The following BACH2 variants were observed in gnomAD, a reference collection of about 807,000 sequenced individuals.
BACH2 encodes BACH transcriptional regulator 2, also known as transcription regulator protein BACH2.
Under a neutral mutation model 61.8 loss-of-function variants are expected in BACH2, and 5 were observed. That is an observed-to-expected ratio of 0.08 (90% CI 0.04 to 0.17). The LOEUF is 0.17. Ranked by LOEUF, BACH2 falls within the 10% of genes least tolerant of loss-of-function variation. The probability of loss-of-function intolerance (pLI) is 1.00; values close to 1 mark genes in which losing one functional copy is unlikely to be tolerated. For missense variants in BACH2, 824 were observed against 1,091.1 expected (o/e 0.76, Z 3.45); for synonymous variants, 446 against 440.1 (o/e 1.01, Z -0.17).
At chr6:90,121,639 C>T (rs1457092793) in intron 4 of BACH2, among the ~76,000 whole-genome samples, 2 of 152,090 alleles carry the variant, frequency 1.3e-5, no homozygotes, top group African/African-American at 2.4e-5. Flanking sequence ...ACCTTCCGGG[C>T]TCAAGCAATT....
At chr6:90,142,210 C>T (rs78563031) in intron 4 of BACH2, among the ~76,000 whole-genome samples, 6,410 of 152,280 alleles carry the variant, frequency 0.042, 143 homozygotes, top group Middle Eastern at 0.082. Flanking sequence ...GTATGTGATG[C>T]TGTCACTGGA....
chr6:90,293,357 G>A (rs950028514), intron 1 of BACH2, among the ~76,000 whole-genome samples: 2 of 151,854 alleles, frequency 1.3e-5, no homozygotes, highest in African/African-American at 4.8e-5. Context: ...AGCCACTAGG[G>A]TCTCTTTCCT....
rs550986143 is a variant in BACH2 at position 90,037,414 on chromosome 6, G to T, written c.-12-28558C>A. Reference sequence around the variant, plus strand: ...TACACAACTATAAAATCATGAAGGAGGCTAGTAAAGGAGCCAAAAGGCTCT... The same window carrying T: ...TACACAACTATAAAATCATGAAGGATGCTAGTAAAGGAGCCAAAAGGCTCT... On this transcript the variant is annotated intron_variant, in intron 5 of 8. Transcript: ENST00000257749. Among the ~76,000 whole-genome samples the T allele has an allele frequency of 2.6e-5, 4 of 152,342 alleles. No homozygotes were observed. In the South Asian group the frequency reaches 8.3e-4, roughly 32 times the overall value.
rs563594898 is a variant in BACH2 at position 90,148,734 on chromosome 6, A to G, written c.-162+57835T>C. On this transcript the variant is annotated intron_variant, in intron 4 of 8. Transcript: ENST00000257749. ...CACGCACACCTACAGTCAGGACTGTAAGACACATTCAGGAATGGTAAAATT... is the reference window on the plus strand; with the variant it reads ...CACGCACACCTACAGTCAGGACTGTGAGACACATTCAGGAATGGTAAAATT... 2.0e-4 allele frequency among the ~76,000 whole-genome samples: 31 copies of G among 152,360 alleles called. No homozygotes were observed. The South Asian group carries it at 6.4e-3, about 32-fold the overall frequency.
At chr6:90,289,973 A>G (rs1411082627) in intron 1 of BACH2, among the ~76,000 whole-genome samples, 1 of 152,232 alleles carries the variant, frequency 6.6e-6, no homozygotes, top group Non-Finnish European at 1.5e-5. Context: ...TTTTCCAAGT[A>G]TGGAAATGAA....
chr6:90,295,535 G>A (rs2127896289), intron 1 of BACH2, among the ~76,000 whole-genome samples: 1 of 152,258 alleles, frequency 6.6e-6, no homozygotes, highest in Middle Eastern at 3.4e-3. Flanking sequence ...AACACCCGCC[G>A]GGTGAGCGAA....
In BACH2 at chr6:90,060,366, G is replaced by T. The variant is rs146803858; in HGVS notation, c.-13+28595C>A. Among the ~76,000 whole-genome samples the T allele has an allele frequency of 5.7e-3, 872 of 151,996 alleles. 3 individuals carry two copies. The highest frequency in any genetic ancestry group is 8.4e-3 in the Non-Finnish European group (572 of 67,968). On this transcript the variant is annotated intron_variant, in intron 5 of 8. Transcript: ENST00000257749. ...TCCATCTCTTTGTCTGTGCTCCATT[G>T]CATGAAACTATTTTAGTTTTATTTT... is the stretch of plus-strand genomic sequence containing the variant.
intron 3 of BACH2, among the ~76,000 whole-genome samples, chr6:90,251,143 G>C (rs1325535851): frequency 6.8e-6 from 1 of 147,926 alleles, no homozygotes; most frequent in East Asian, 1.9e-4. Flanking sequence ...ATAGTACAAG[G>C]AATAATAATC....
intron 6 of BACH2, among the ~76,000 whole-genome samples, chr6:89,987,884 T>C (rs917031157): frequency 2.0e-5 from 3 of 152,194 alleles, no homozygotes; most frequent in African/African-American, 7.2e-5. Context: ...TAGTATTCCC[T>C]CAGCATAAAG....
At chr6:90,056,058 A>C (rs1780330488) in intron 5 of BACH2, among the ~76,000 whole-genome samples, 1 of 152,242 alleles carries the variant, frequency 6.6e-6, no homozygotes, top group Admixed American at 6.5e-5. Flanking sequence ...AAGAAACTGC[A>C]TCAACTAACC....
At chr6:90,051,905 A>G (rs1470590867) in intron 5 of BACH2, among the ~76,000 whole-genome samples, 2 of 152,184 alleles carry the variant, frequency 1.3e-5, no homozygotes, top group Non-Finnish European at 2.9e-5. Context: ...TTATCATTCA[A>G]TTCTAAGTAT....
chr6:90,119,467 T>C (rs779996863), intron 4 of BACH2, among the ~76,000 whole-genome samples: 1 of 152,226 alleles, frequency 6.6e-6, no homozygotes, highest in African/African-American at 2.4e-5. Flanking sequence ...GAAATGCTTA[T>C]CTTCAATCTT....
intron 4 of BACH2, among the ~76,000 whole-genome samples, chr6:90,194,139 T>C (rs1302984686): frequency 6.6e-6 from 1 of 152,176 alleles, no homozygotes; most frequent in African/African-American, 2.4e-5. Flanking sequence ...ACTTGGGTAC[T>C]AAAGATGAGA....
chr6:90,088,464 T>C (rs1405035739), intron 5 of BACH2, among the ~76,000 whole-genome samples: 1 of 152,194 alleles, frequency 6.6e-6, no homozygotes, highest in East Asian at 1.9e-4. Context: ...GTGAAGGTGC[T>C]AAGTGAACCT....
intron 8 of BACH2, 39 bp downstream of exon 8, chr6:89,938,105 C>T: frequency 6.4e-7 from 1 of 1,574,588 alleles, no homozygotes; most frequent in Non-Finnish European, 8.7e-7. Context: ...TAGTCCTGGT[C>T]ACTTCAGGTT....
intron 5 of BACH2, among the ~76,000 whole-genome samples, chr6:90,017,466 C>T (rs1045730195): frequency 1.1e-4 from 16 of 152,152 alleles, no homozygotes; most frequent in African/African-American, 2.4e-4. Context: ...AAATAATCTG[C>T]GCACCTCGGC....
At chr6:90,138,355 T>C (rs1416136176) in intron 4 of BACH2, among the ~76,000 whole-genome samples, 1 of 152,046 alleles carries the variant, frequency 6.6e-6, no homozygotes, top group African/African-American at 2.4e-5. Flanking sequence ...ATACAAAAAT[T>C]AGCCATGCGT....
intron 5 of BACH2, among the ~76,000 whole-genome samples, chr6:90,044,439 T>C (rs1412746253): frequency 6.6e-6 from 1 of 152,168 alleles, no homozygotes; most frequent in East Asian, 1.9e-4. Flanking sequence ...GCAGAGGTAG[T>C]CAGGAAGTGA....
At position 90,296,767 on chromosome 6, in the gene BACH2, G is replaced by T; in HGVS notation, c.-733C>A. On this transcript the variant is annotated 5_prime_UTR_variant, in exon 1 of 9. It adds an upstream start codon to the 5' untranslated region. Transcript: ENST00000257749. ...CTCACGTTAGCGCTGTGCGACCGCA[G>T]CCCGGGCGTGCACGGCCGCTGCTGC... is the stretch of plus-strand genomic sequence containing the variant. 1 of 169,132 alleles carries T rather than the reference G, an allele frequency of 5.9e-6. No homozygotes were observed. Among genetic ancestry groups the T allele is most frequent in the African/African-American group, 2.4e-5 (1 of 41,666 alleles). The allele number at this position is 169,132 out of a possible 1,614,324, so 10.5% of individuals were successfully genotyped here.
Sources: gnomAD v4.1 joint callset for allele counts (sites outside exome capture counted in the v4.1 genomes callset) on GRCh38, gnomAD v4.1.1 for gene constraint, MANE v1.5 for transcripts, NCBI Gene and HGNC (gene_info 2026-07-23, HGNC 2026-07-21) for gene names.